Variants in PLEKHB2 observed in about 807,000 individuals in gnomAD.
The protein encoded by PLEKHB2 is pleckstrin homology domain-containing family B member 2.
In PLEKHB2, 31 loss-of-function variants were observed where a neutral mutation model predicts 36.5. The observed-to-expected ratio is 0.85, with a 90% CI of 0.64 to 1.15. The LOEUF is 1.15. PLEKHB2 is among the 50% of genes most tolerant of loss of function. The pLI, the probability that PLEKHB2 is intolerant of heterozygous loss-of-function variation, is 0.00. For missense variants in PLEKHB2, 262 were observed against 295.3 expected (o/e 0.89, Z 0.83); for synonymous variants, 119 against 112.0 (o/e 1.06, Z -0.39).
chr2:131,148,546 T>C lies in PLEKHB2; in HGVS notation c.*1773T>C, dbSNP rs1699455051. The C allele has an allele frequency of 1.3e-5, 2 of 151,302 alleles. No homozygotes were observed. Among genetic ancestry groups the C allele is most frequent in the Admixed American group, 1.3e-4 (2 of 15,236 alleles). 9.4% of individuals were successfully genotyped at this position (151,302 alleles called of 1,614,324 possible). A position where few individuals can be genotyped will look rare whatever the true frequency, so the allele number is the denominator to read the frequency against. ...AGACTTGTTATTTTGCCTGGCTGGT[T>C]ACACACATGCTGTCTTGCTTTGCTG... On this transcript the variant is annotated 3_prime_UTR_variant, in exon 8 of 8. Coordinates refer to ENST00000693505, the MANE Select transcript of PLEKHB2 (RefSeq NM_001100623.2).
At chr2:131,105,600 C>T (rs1694619894) in intron 1 of PLEKHB2, among the ~76,000 whole-genome samples, 2 of 152,094 alleles carry the variant, frequency 1.3e-5, no homozygotes, top group Admixed American at 1.3e-4. Context: ...CCACCCTGAC[C>T]TTCCCCAGGT....
rs575460718 is a variant in PLEKHB2, at chr2:131,137,012, T to G, written c.424-3155T>G. Among the ~76,000 whole-genome samples the G allele has an allele frequency of 1.9e-4, 28 of 150,966 alleles. 1 individual carries two copies. Among genetic ancestry groups the G allele is most frequent in the African/African-American group, 6.6e-4 (27 of 40,724 alleles). Reference sequence around the variant, plus strand: ...CCCAGGCTGGAGTGCAGTGGCGTGATCTCGGCTCACTGCAAGCTCCGCCTC... The same window carrying G: ...CCCAGGCTGGAGTGCAGTGGCGTGAGCTCGGCTCACTGCAAGCTCCGCCTC... On this transcript the variant is annotated intron_variant, in intron 6 of 7. Transcript: ENST00000693505.
At chr2:131,130,815 C>A in intron 5 of PLEKHB2, 55 bp downstream of exon 5, 1 of 1,291,880 alleles carries the variant, frequency 7.7e-7, no homozygotes, top group Non-Finnish European at 1.1e-6. Flanking sequence ...CAAGGTGTCA[C>A]TCTCACTCAG....
intron 1 of PLEKHB2, among the ~76,000 whole-genome samples, 187 bp downstream of exon 1, chr2:131,105,585 C>G (rs759961628): frequency 6.6e-6 from 1 of 152,158 alleles, no homozygotes; most frequent in Non-Finnish European, 1.5e-5. Flanking sequence ...GCCCACCTCC[C>G]TGGACCACCC....
intron 3 of PLEKHB2, 104 bp downstream of exon 3, chr2:131,126,009 A>G (rs914661071): frequency 3.5e-6 from 4 of 1,150,544 alleles, no homozygotes; most frequent in East Asian, 2.4e-5. Flanking sequence ...AACAGATTGA[A>G]GAAGGGCTCC....
intron 1 of PLEKHB2, among the ~76,000 whole-genome samples, chr2:131,116,610 C>T (rs1211859125): frequency 6.6e-6 from 1 of 152,118 alleles, no homozygotes; most frequent in Non-Finnish European, 1.5e-5. Flanking sequence ...AACTCTATCA[C>T]AAGACCAGCA....
In PLEKHB2 at chr2:131,147,988, C is replaced by G. The variant is rs555638472; in HGVS notation, c.*1215C>G. On this transcript the variant is annotated 3_prime_UTR_variant, in exon 8 of 8. Transcript: ENST00000693505. ...AGTGGAAGGAGAGCCTTAGTTAGAG[C>G]GTTCCCATTTCTGGCCTTTGGGGGT... The G allele has an allele frequency of 6.6e-6, 1 of 152,320 alleles. No individual in the cohort carries two copies. The highest frequency in any genetic ancestry group is 1.5e-5 in the Non-Finnish European group (1 of 68,198). The allele number at this position is 152,320 out of a possible 1,614,324, so 9.4% of individuals were successfully genotyped here. A position where few individuals can be genotyped will look rare whatever the true frequency, so the allele number is the denominator to read the frequency against.
chr2:131,132,183 G>C (rs538700678), intron 5 of PLEKHB2, among the ~76,000 whole-genome samples: 2 of 151,838 alleles, frequency 1.3e-5, no homozygotes, highest in South Asian at 4.2e-4. Flanking sequence ...ATTATACTGG[G>C]GAGTAATTTA....
At chr2:131,128,475 T>C (rs1411229591) in intron 4 of PLEKHB2, among the ~76,000 whole-genome samples, 2 of 152,214 alleles carry the variant, frequency 1.3e-5, no homozygotes, top group African/African-American at 2.4e-5. Flanking sequence ...CCTGTCCCCA[T>C]ACACACTCAC....
At chr2:131,146,034 T>G (rs865952100) in intron 7 of PLEKHB2, among the ~76,000 whole-genome samples, 1 of 151,576 alleles carries the variant, frequency 6.6e-6, no homozygotes. Flanking sequence ...TACAAAAAAT[T>G]AGCCAGGCGT....
chr2:131,118,453 G>A (rs1696106085), intron 1 of PLEKHB2, among the ~76,000 whole-genome samples: 2 of 152,112 alleles, frequency 1.3e-5, no homozygotes, highest in East Asian at 1.9e-4. Context: ...AAGATGAGAA[G>A]TCAACCATGC....
intron 5 of PLEKHB2, among the ~76,000 whole-genome samples, chr2:131,131,731 A>G (rs1241212698): frequency 6.7e-6 from 1 of 150,168 alleles, no homozygotes; most frequent in African/African-American, 2.5e-5. Context: ...CTACAGCCGC[A>G]GTTACCTTTT....
At chr2:131,137,106 C>T (rs915114711) in intron 6 of PLEKHB2, among the ~76,000 whole-genome samples, 1 of 151,532 alleles carries the variant, frequency 6.6e-6, no homozygotes, top group Non-Finnish European at 1.5e-5. Flanking sequence ...GCCACCACAC[C>T]CGGCTAATTT....
rs143329244 is a variant in PLEKHB2, at chr2:131,113,582, C to A, written c.-8-7352C>A. ...GTCTGTGTGTTTGCTTCAAGTCTGT[C>A]TCTTGGTGAGCTTCTCTGGAGGGTG... On this transcript the variant is annotated intron_variant, in intron 1 of 7. Coordinates refer to ENST00000693505, the MANE Select transcript of PLEKHB2 (RefSeq NM_001100623.2). Among the ~76,000 whole-genome samples the A allele has an allele frequency of 6.0e-3, 914 of 152,156 alleles. 5 individuals carry two copies. Among genetic ancestry groups the A allele is most frequent in the Middle Eastern group, 0.014 (4 of 294 alleles).
intron 2 of PLEKHB2, among the ~76,000 whole-genome samples, chr2:131,125,488 C>CTGTGAATTAGAGGA (rs376139245): frequency 2.6e-5 from 4 of 152,122 alleles, no homozygotes; most frequent in African/African-American, 9.7e-5. Flanking sequence ...TTTGTTTCTG[C>CTGTGAATTAGAGGA]TGTGAATTAG....
rs771397815 is a variant in PLEKHB2, at chr2:131,125,812, A to C, written c.97A>C (p.Ile33Leu). ...TGATCTGTGGTCGGATGGTCACCTGATCTATTATGATGACCAGACTCGGCA... is the reference window on the plus strand; with the variant it reads ...TGATCTGTGGTCGGATGGTCACCTGCTCTATTATGATGACCAGACTCGGCA... ...WFDLWSDGHL[I>L]YYDDQTRQNI... The change falls in exon 3 of 8, where the codon ATC (isoleucine) becomes CTC (leucine). Residue 33 changes from isoleucine to leucine, a missense_variant. By Grantham distance (5) the Ile-to-Leu change is conservative. Transcript: ENST00000693505. 6 of 1,613,016 alleles carry C rather than the reference A, an allele frequency of 3.7e-6. No homozygotes were observed. Among genetic ancestry groups the C allele is most frequent in the African/African-American group, 1.3e-5 (1 of 74,652 alleles).
At chr2:131,121,917 T>G (rs1696556993) in intron 2 of PLEKHB2, among the ~76,000 whole-genome samples, 1 of 152,036 alleles carries the variant, frequency 6.6e-6, no homozygotes, top group African/African-American at 2.4e-5. Flanking sequence ...ATTTATTTAT[T>G]TATTTATTTT....
Position 131,126,727 on chromosome 2 carries a change from G to C in PLEKHB2, c.234G>C (p.Gln78His). 6.2e-7 allele frequency: 1 copy of C among 1,612,296 alleles called. No individual in the cohort carries two copies. Among genetic ancestry groups the C allele is most frequent in the Non-Finnish European group, 8.5e-7 (1 of 1,178,306 alleles). Residue 78 changes from glutamine to histidine, a missense_variant, in exon 4 of 8, where the codon CAG becomes CAC. Coordinates refer to ENST00000693505, the MANE Select transcript of PLEKHB2 (RefSeq NM_001100623.2). ...GAAAGTCAAAAGACTGCATGCTCCA[G>C]ATTGTTTGTCGAGATGGGAAAACAA... The part of the protein sequence containing the change: ...PDGKSKDCML[Q>H]IVCRDGKTIS...
intron 6 of PLEKHB2, among the ~76,000 whole-genome samples, chr2:131,137,226 C>T (rs187346258): frequency 6.6e-6 from 1 of 152,350 alleles, no homozygotes; most frequent in East Asian, 1.9e-4. Flanking sequence ...GGATTACAGG[C>T]GTGAGCCACT....
Sources: gnomAD v4.1 joint callset for allele counts (sites outside exome capture counted in the v4.1 genomes callset) on GRCh38, gnomAD v4.1.1 for gene constraint, MANE v1.5 for transcripts, NCBI Gene and HGNC (gene_info 2026-07-23, HGNC 2026-07-21) for gene names.